The following IARS1 variants were observed in gnomAD, a reference collection of about 807,000 sequenced individuals.
The protein encoded by IARS1 is isoleucyl-tRNA synthetase 1, also known as isoleucine--tRNA ligase, cytoplasmic.
IARS1 carries 124 observed loss-of-function variants against 168.2 expected under a neutral mutation model. The ratio of observed to expected loss-of-function variants is 0.74; its 90% confidence interval spans 0.64 to 0.86. IARS1 has a LOEUF of 0.86. Ranked by LOEUF, IARS1 falls within the 40% of genes least tolerant of loss-of-function variation. IARS1 has a pLI of 0.00. For missense variants in IARS1, 1,452 were observed against 1,515.8 expected (o/e 0.96, Z 0.70); for synonymous variants, 532 against 529.4 (o/e 1.00, Z -0.07).
rs1318046652 is a variant in IARS1, at chr9:92,271,671, A to G, written c.991-16T>C. The G allele has an allele frequency of 6.2e-7, 1 of 1,613,650 alleles. No individual in the cohort carries two copies. The highest frequency in any genetic ancestry group is 1.3e-5 in the African/African-American group (1 of 74,924). ...GATAGTCCTCCTGAGAAAAGGCAAAAGAGAGGGAAGAATAAAACAGTCTAT... is the reference window on the plus strand; with the variant it reads ...GATAGTCCTCCTGAGAAAAGGCAAAGGAGAGGGAAGAATAAAACAGTCTAT... On this transcript the variant is annotated splice_polypyrimidine_tract_variant and intron_variant, in intron 10 of 33. Coordinates refer to ENST00000443024, the MANE Select transcript of IARS1 (RefSeq NM_002161.6).
chr9:92,278,294 A>C lies in IARS1; in HGVS notation c.746-8T>G. 1 of 1,582,010 alleles carries C rather than the reference A, an allele frequency of 6.3e-7. No individual in the cohort carries two copies. The highest frequency in any genetic ancestry group is 8.7e-7 in the Non-Finnish European group (1 of 1,150,956). ...ATCGTCCTCTGGCAACATCTACGAG[A>C]AAAAGGAAAAACATGGACTTGGGTT... On this transcript the variant is annotated splice_polypyrimidine_tract_variant and splice_region_variant and intron_variant, in intron 7 of 33. Coordinates refer to ENST00000443024, the MANE Select transcript of IARS1 (RefSeq NM_002161.6).
At chr9:92,287,060 A>C (rs1303753238) in intron 4 of IARS1, among the ~76,000 whole-genome samples, 1 of 152,244 alleles carries the variant, frequency 6.6e-6, no homozygotes, top group East Asian at 1.9e-4. Context: ...AAGTGAACAA[A>C]GTTATCACCA....
chr9:92,227,669 G>A (rs1465864922), intron 31 of IARS1, among the ~76,000 whole-genome samples: 3 of 151,554 alleles, frequency 2.0e-5, no homozygotes, highest in East Asian at 3.9e-4. Context: ...CGGGGCGGCC[G>A]GGCAGAGACG....
chr9:92,258,673 C>A (rs1182023397), intron 19 of IARS1, among the ~76,000 whole-genome samples, 181 bp downstream of exon 19: 1 of 152,162 alleles, frequency 6.6e-6, no homozygotes, highest in Non-Finnish European at 1.5e-5. Context: ...TTGGCATAGC[C>A]CGGACCCTAG....
intron 14 of IARS1, among the ~76,000 whole-genome samples, chr9:92,267,271 G>A (rs549464913): frequency 1.1e-4 from 16 of 152,234 alleles, no homozygotes; most frequent in African/African-American, 3.9e-4. Context: ...GAACACTGGT[G>A]GCCTCTTTCT....
At chr9:92,276,533 C>T (rs1455065601) in intron 9 of IARS1, among the ~76,000 whole-genome samples, 4 of 152,112 alleles carry the variant, frequency 2.6e-5, no homozygotes, top group Admixed American at 1.3e-4. Flanking sequence ...AAGTAGGCAA[C>T]GAGAAATGTG....
intron 18 of IARS1, among the ~76,000 whole-genome samples, chr9:92,259,524 G>A (rs917645854): frequency 3.3e-5 from 5 of 152,216 alleles, no homozygotes; most frequent in African/African-American, 1.2e-4. Flanking sequence ...GTGAGTCTAA[G>A]AGACAGTGGA....
At position 92,269,954 on chromosome 9, in the gene IARS1, A is replaced by G; in HGVS notation, c.1235T>C (p.Val412Ala). 6.2e-7 allele frequency: 1 copy of G among 1,613,622 alleles called. No homozygotes were observed. Among genetic ancestry groups the G allele is most frequent in the Non-Finnish European group, 8.5e-7 (1 of 1,179,574 alleles). Residue 412 changes from valine to alanine, a missense_variant, in exon 13 of 34, where the codon GTG becomes GCG. By Grantham distance (64) the Val-to-Ala change is moderately conservative. Transcript: ENST00000443024. The stretch of plus-strand genomic sequence containing the variant: ...CTCCACTCGCACAAACCAGCTGGGC[A>G]CTGCTTTGTAAATTAGAGGAGTGTC... The part of the protein sequence containing the change: ...RSDTPLIYKA[V>A]PSWFVRVENM...
intron 19 of IARS1, among the ~76,000 whole-genome samples, 165 bp from the exon 20 acceptor site, chr9:92,256,965 C>T (rs771788377): frequency 2.0e-5 from 3 of 152,170 alleles, no homozygotes; most frequent in East Asian, 3.8e-4. Flanking sequence ...TAAGCACCAA[C>T]GTGGCACATT....
At chr9:92,260,013 C>T in intron 18 of IARS1, 138 bp downstream of exon 18, 1 of 635,210 alleles carries the variant, frequency 1.6e-6, no homozygotes, top group South Asian at 2.1e-5. Flanking sequence ...ACAACCATAC[C>T]AACATAACAT....
intron 30 of IARS1, among the ~76,000 whole-genome samples, chr9:92,230,876 G>A (rs1163812022): frequency 1.3e-5 from 2 of 152,104 alleles, no homozygotes; most frequent in Non-Finnish European, 2.9e-5. Context: ...GGACATTTCT[G>A]TCATTTGTAT....
At chr9:92,216,110 C>T (rs55745526) in intron 33 of IARS1, among the ~76,000 whole-genome samples, 16,837 of 150,718 alleles carry the variant, frequency 0.11, 1,059 homozygotes, top group South Asian at 0.21. Context: ...AGAGTGGGGG[C>T]CAATATTCAA....
intron 20 of IARS1, among the ~76,000 whole-genome samples, chr9:92,255,879 A>G (rs1401245308): frequency 6.6e-6 from 1 of 152,192 alleles, no homozygotes; most frequent in Admixed American, 6.6e-5. Context: ...AAAGGGTATA[A>G]CCGAGATGTT....
intron 12 of IARS1, 105 bp from the exon 13 acceptor site, chr9:92,270,088 C>T (rs1564180890): frequency 1.5e-6 from 1 of 657,362 alleles, no homozygotes; most frequent in Admixed American, 2.4e-5. Flanking sequence ...ACTTACTTGG[C>T]CTTCTGCTAA....
chr9:92,222,335 A>G (rs1191239813), intron 33 of IARS1, among the ~76,000 whole-genome samples, 185 bp downstream of exon 33: 1 of 106,318 alleles, frequency 9.4e-6, no homozygotes, highest in East Asian at 2.4e-4. Context: ...AGTGAGACTC[A>G]GTCTCAAAAA....
intron 1 of IARS1, 108 bp downstream of exon 1, chr9:92,293,503 G>C: frequency 1.9e-6 from 1 of 524,600 alleles, no homozygotes; most frequent in Non-Finnish European, 3.9e-6. Flanking sequence ...AAGCCCCGAA[G>C]AAACACGCTC....
At chr9:92,265,178 A>T (rs1297097685) in intron 15 of IARS1, 55 bp from the exon 16 acceptor site, 13 of 1,444,658 alleles carry the variant, frequency 9.0e-6, no homozygotes, top group Non-Finnish European at 1.1e-5. Flanking sequence ...CAGAACTTGC[A>T]GTTTAATTGC....
At chr9:92,238,388 T>C (rs1827870640) in intron 30 of IARS1, among the ~76,000 whole-genome samples, 2 of 152,126 alleles carry the variant, frequency 1.3e-5, no homozygotes, top group African/African-American at 4.8e-5. Flanking sequence ...CAGTAATGAG[T>C]GAGTTCTCAC....
intron 33 of IARS1, among the ~76,000 whole-genome samples, chr9:92,212,369 T>A (rs534343062): frequency 5.9e-5 from 9 of 152,320 alleles, no homozygotes; most frequent in East Asian, 5.8e-4. Context: ...TAATCTTAGA[T>A]AAATCACTAA....
Sources: allele counts gnomAD v4.1 joint callset (sites outside exome capture counted in the v4.1 genomes callset), GRCh38; gene constraint gnomAD v4.1.1; transcripts MANE v1.5; gene names NCBI Gene and HGNC (gene_info 2026-07-23, HGNC 2026-07-21).